The following TRPM8 variants were observed in gnomAD, a reference collection of about 807,000 sequenced individuals.
TRPM8 encodes TRPM8 cationic channel.
A neutral mutation model predicts 133.7 loss-of-function variants in TRPM8; 110 were observed. The observed-to-expected ratio is 0.82, with a 90% CI of 0.70 to 0.96. The LOEUF is 0.96. TRPM8 is among the 40% of genes least tolerant of loss of function. The probability of loss-of-function intolerance (pLI) is 0.00; values close to 1 mark genes in which losing one functional copy is unlikely to be tolerated. For synonymous variants in TRPM8, 535 were observed against 532.3 expected (o/e 1.01, Z -0.07); for missense variants, 1,291 against 1,379.5 (o/e 0.94, Z 1.02).
chr2:233,979,713 A>AT (rs762730321), intron 17 of TRPM8, among the ~76,000 whole-genome samples: 4 of 152,230 alleles, frequency 2.6e-5, no homozygotes, highest in East Asian at 3.9e-4. Context: ...TTATGTGCAC[A>AT]TTTTTTTTAA....
chr2:234,000,540 C>G (rs937185372), intron 22 of TRPM8, among the ~76,000 whole-genome samples: 9 of 152,190 alleles, frequency 5.9e-5, no homozygotes, highest in African/African-American at 2.2e-4. Flanking sequence ...GGAAAAATAT[C>G]TTTTCCTCTA....
intron 2 of TRPM8, 41 bp downstream of exon 2, chr2:233,926,695 A>C (rs747471780): frequency 1.3e-5 from 19 of 1,488,080 alleles, no homozygotes; most frequent in Admixed American, 1.7e-5. Flanking sequence ...TTATCATTGT[A>C]ACCTTCGTAA....
chr2:233,927,856 CT>C lies in TRPM8; in HGVS notation c.117+1205del, dbSNP rs754245811. ...CCTTCCTTCCTTCCTTCCTTCCTTT[CT>C]TTCTCTTTCTTTCTTTCTTTCTTTC... On this transcript the variant is annotated intron_variant, in intron 2 of 25. Transcript: ENST00000324695. 8.2e-4 allele frequency among the ~76,000 whole-genome samples: 47 copies of C among 57,020 alleles called. 6 individuals carry two copies. Among genetic ancestry groups the C allele is most frequent in the East Asian group, 5.3e-3 (10 of 1,898 alleles). The allele number at this position is 57,020 out of a possible 152,430, so 37.4% of individuals were successfully genotyped here.
chr2:234,002,411 G>A (rs944146897), intron 22 of TRPM8, among the ~76,000 whole-genome samples: 2 of 152,156 alleles, frequency 1.3e-5, no homozygotes, highest in Non-Finnish European at 2.9e-5. Context: ...AGGAAAAACT[G>A]TAGACAGGAG....
chr2:233,973,564 C>G (rs913720902), intron 17 of TRPM8, among the ~76,000 whole-genome samples: 1 of 152,208 alleles, frequency 6.6e-6, no homozygotes, highest in African/African-American at 2.4e-5. Context: ...TTCCTCTTTA[C>G]TTAATTAGTT....
At chr2:234,013,160 C>CT (rs1450611262) in intron 24 of TRPM8, 2 of 152,078 alleles carry the variant, frequency 1.3e-5, no homozygotes, top group Non-Finnish European at 2.9e-5. Flanking sequence ...TACTTGTTCC[C>CT]TTTTCTATTT....
intron 15 of TRPM8, 150 bp from the exon 16 acceptor site, chr2:233,969,545 A>T: frequency 1.6e-6 from 1 of 619,744 alleles, no homozygotes; most frequent in Non-Finnish European, 2.9e-6. Context: ...GCCCCTTAGA[A>T]TCCAGGCAAC....
chr2:233,956,516 T>C (rs1005446359), intron 11 of TRPM8, among the ~76,000 whole-genome samples: 8 of 152,208 alleles, frequency 5.3e-5, no homozygotes, highest in Non-Finnish European at 1.2e-4. Context: ...TTTCAGCTTT[T>C]CCAAGTTAAT....
At chr2:234,014,135 A>C (rs1364871922) in intron 24 of TRPM8, among the ~76,000 whole-genome samples, 1 of 152,088 alleles carries the variant, frequency 6.6e-6, no homozygotes, top group Non-Finnish European at 1.5e-5. Flanking sequence ...TATTTGCAAA[A>C]ATTTGATTTC....
intron 8 of TRPM8, among the ~76,000 whole-genome samples, chr2:233,949,004 A>C (rs1293741735): frequency 6.6e-6 from 1 of 152,246 alleles, no homozygotes; most frequent in Non-Finnish European, 1.5e-5. Flanking sequence ...ATTGCACTCC[A>C]GCCTGGGAGA....
At position 233,967,897 on chromosome 2, in the gene TRPM8, G is replaced by A. The variant is rs373747963; in HGVS notation, c.2025+1142G>A. Among the ~76,000 whole-genome samples, 31 of 152,150 alleles carry A rather than the reference G, an allele frequency of 2.0e-4. No individual in the cohort carries two copies. The East Asian group carries it at 5.8e-3, about 29-fold the overall frequency. ...ATCTCGCTTGTGTCCCAGAACTTGG[G>A]GCCCTGGGGAGTCTGGCTTTTACTC... On this transcript the variant is annotated intron_variant, in intron 15 of 25. Coordinates refer to ENST00000324695, the MANE Select transcript of TRPM8 (RefSeq NM_024080.5).
At chr2:233,947,475 C>T in intron 8 of TRPM8, 6 of 1,347,684 alleles carry the variant, frequency 4.5e-6, no homozygotes, top group Non-Finnish European at 5.9e-6. Flanking sequence ...AAGCTATGGC[C>T]AACCTATCTG....
At chr2:233,942,002 T>C (rs1690915268) in intron 5 of TRPM8, among the ~76,000 whole-genome samples, 1 of 150,100 alleles carries the variant, frequency 6.7e-6, no homozygotes, top group African/African-American at 2.5e-5. Context: ...TGGTTAAAGA[T>C]ACAGACAGAT....
intron 2 of TRPM8, among the ~76,000 whole-genome samples, chr2:233,929,019 T>G (rs1484980093): frequency 6.8e-6 from 1 of 147,960 alleles, no homozygotes; most frequent in East Asian, 2.0e-4. Flanking sequence ...ATTTTTTTGC[T>G]CAAAACTGTT....
chr2:233,987,975 T>C (rs1692189368), intron 21 of TRPM8, among the ~76,000 whole-genome samples: 1 of 151,948 alleles, frequency 6.6e-6, no homozygotes, highest in Non-Finnish European at 1.5e-5. Flanking sequence ...TAAACCTCTT[T>C]TTTTTTTTTT....
chr2:234,007,532 C>T (rs761478557), intron 23 of TRPM8, among the ~76,000 whole-genome samples: 1 of 152,130 alleles, frequency 6.6e-6, no homozygotes, highest in Non-Finnish European at 1.5e-5. Flanking sequence ...GTAGGTGGCC[C>T]AGAAGTAATG....
intron 21 of TRPM8, among the ~76,000 whole-genome samples, chr2:233,990,619 C>A (rs1692251855): frequency 6.6e-6 from 1 of 152,168 alleles, no homozygotes; most frequent in African/African-American, 2.4e-5. Context: ...AGCCCAAGGA[C>A]ACTAATCACG....
intron 17 of TRPM8, among the ~76,000 whole-genome samples, chr2:233,975,927 A>AAC (rs934428589): frequency 5.3e-5 from 8 of 152,008 alleles, no homozygotes; most frequent in Admixed American, 1.3e-4. Flanking sequence ...ACAAACAAAA[A>AAC]ACACACACAC....
chr2:233,946,121 C>A, intron 7 of TRPM8, 91 bp downstream of exon 7: 2 of 1,229,712 alleles, frequency 1.6e-6, no homozygotes, highest in Non-Finnish European at 2.3e-6. Flanking sequence ...TTGAGTGATG[C>A]GTGAGAAACA....
Sources: gnomAD v4.1 joint callset for allele counts (sites outside exome capture counted in the v4.1 genomes callset) on GRCh38, gnomAD v4.1.1 for gene constraint, MANE v1.5 for transcripts, NCBI Gene and HGNC (gene_info 2026-07-23, HGNC 2026-07-21) for gene names.